The following PAM variants were observed in gnomAD, a reference collection of about 807,000 sequenced individuals.
PAM encodes the protein peptidylglycine alpha-amidating monooxygenase.
A neutral mutation model predicts 122.1 loss-of-function variants in PAM; 72 were observed. The ratio of observed to expected loss-of-function variants is 0.59; its 90% confidence interval spans 0.49 to 0.72. The LOEUF (loss-of-function observed/expected upper bound fraction) is 0.72, where lower values mean the gene tolerates loss of function less well. Among genes scored for constraint, PAM ranks in the 30% least tolerant of loss-of-function variants. The pLI, the probability that PAM is intolerant of heterozygous loss-of-function variation, is 0.00. For synonymous variants in PAM, 389 were observed against 404.4 expected (o/e 0.96, Z 0.46); for missense variants, 1,106 against 1,183.7 (o/e 0.93, Z 0.96).
intron 21 of PAM, among the ~76,000 whole-genome samples, chr5:103,012,592 C>T (rs926930999): frequency 4.6e-5 from 7 of 152,096 alleles, no homozygotes; most frequent in African/African-American, 7.2e-5. Flanking sequence ...CGGTGGCTCA[C>T]GCCTGTAATC....
intron 1 of PAM, among the ~76,000 whole-genome samples, chr5:102,758,769 A>C (rs911540721): frequency 6.6e-6 from 1 of 152,238 alleles, no homozygotes; most frequent in Admixed American, 6.5e-5. Flanking sequence ...GGTTCTTAGC[A>C]CATTGCCAGT....
intron 16 of PAM, among the ~76,000 whole-genome samples, chr5:102,996,886 A>G (rs1775858137): frequency 6.6e-6 from 1 of 152,162 alleles, no homozygotes; most frequent in Non-Finnish European, 1.5e-5. Context: ...CTGTATATAT[A>G]AGTAGAGTGT....
intron 1 of PAM, among the ~76,000 whole-genome samples, chr5:102,862,085 G>C (rs1784337674): frequency 6.6e-6 from 1 of 151,340 alleles, no homozygotes; most frequent in Non-Finnish European, 1.5e-5. Context: ...CAGGAGGACT[G>C]CTTGAGTCTG....
chr5:102,867,680 G>C (rs1276080864), intron 3 of PAM, among the ~76,000 whole-genome samples: 2 of 152,176 alleles, frequency 1.3e-5, no homozygotes, highest in Admixed American at 1.3e-4. Context: ...AATAGCCTCT[G>C]TAATGCAGCA....
At chr5:102,792,157 G>A (rs1399281360) in intron 1 of PAM, among the ~76,000 whole-genome samples, 2 of 152,050 alleles carry the variant, frequency 1.3e-5, no homozygotes, top group African/African-American at 2.4e-5. Context: ...AACATGGTAT[G>A]TATGGAATTT....
Position 102,903,340 on chromosome 5 carries a change from A to G in PAM, c.268+1927A>G, listed in dbSNP as rs530361147. On this transcript the variant is annotated intron_variant, in intron 4 of 25. Transcript: ENST00000438793. ...GTTTACATAATTCAGCAACCAAAGA[A>G]GTTTAAGTATAGACAAATTAGAACT... Among the ~76,000 whole-genome samples the G allele has an allele frequency of 5.9e-5, 9 of 151,738 alleles. No individual in the cohort carries two copies. In the East Asian group the frequency reaches 1.8e-3, roughly 30 times the overall value.
rs200890055 is a variant in PAM at position 102,950,822 on chromosome 5, T to C, written c.905+2T>C. 1.3e-6 allele frequency: 2 copies of C among 1,516,798 alleles called. No homozygotes were observed. The highest frequency in any genetic ancestry group is 1.8e-6 in the Non-Finnish European group (2 of 1,091,684). 94.0% of individuals were successfully genotyped at this position (1,516,798 alleles called of 1,614,324 possible). On this transcript the variant is annotated splice_donor_variant, in intron 12 of 25. Transcript: ENST00000438793. LOFTEE classifies it high-confidence loss of function. ...AAGGACAGAAGCCACACACATTGGG[T>C]ATGATTCTATACATTCCACTATTTA...
intron 1 of PAM, among the ~76,000 whole-genome samples, chr5:102,859,335 A>AGTGTGTGTGT (rs57728525): frequency 1.2e-4 from 17 of 142,314 alleles, no homozygotes; most frequent in African/African-American, 3.8e-4. Flanking sequence ...GGCCCAGGCT[A>AGTGTGTGTGT]GTGTGTGTGT....
intron 3 of PAM, among the ~76,000 whole-genome samples, chr5:102,870,376 C>T (rs184258482): frequency 5.9e-5 from 9 of 152,022 alleles, no homozygotes; most frequent in African/African-American, 2.2e-4. Context: ...TGGAAAGAAC[C>T]TTAGACATAA....
intron 1 of PAM, among the ~76,000 whole-genome samples, chr5:102,835,648 A>C (rs1776814960): frequency 1.3e-5 from 2 of 152,086 alleles, no homozygotes; most frequent in African/African-American, 4.8e-5. Flanking sequence ...TGCCTTATAC[A>C]TGTCAAAATA....
At chr5:102,900,259 G>GTGTC (rs1418931317) in intron 3 of PAM, among the ~76,000 whole-genome samples, 2 of 124,654 alleles carry the variant, frequency 1.6e-5, no homozygotes, top group Admixed American at 8.5e-5. Flanking sequence ...GTGTGTGGGG[G>GTGTC]GGGGGCGGGG....
At chr5:103,014,509 T>A (rs1166214359) in intron 21 of PAM, among the ~76,000 whole-genome samples, 3 of 152,202 alleles carry the variant, frequency 2.0e-5, no homozygotes, top group Non-Finnish European at 4.4e-5. Context: ...AGAATTTTCA[T>A]TAAATAGATT....
intron 1 of PAM, among the ~76,000 whole-genome samples, chr5:102,824,028 A>G (rs1324642423): frequency 6.6e-6 from 1 of 152,208 alleles, no homozygotes; most frequent in African/African-American, 2.4e-5. Flanking sequence ...AAAGAGCACC[A>G]GAAATGGAAA....
At chr5:102,929,622 C>G (rs571191485) in intron 7 of PAM, among the ~76,000 whole-genome samples, 3 of 152,046 alleles carry the variant, frequency 2.0e-5, no homozygotes, top group Non-Finnish European at 4.4e-5. Flanking sequence ...TTTTTCCACA[C>G]AGGGAATGTT....
At chr5:102,930,730 A>C (rs1751207757) in intron 7 of PAM, among the ~76,000 whole-genome samples, 1 of 152,148 alleles carries the variant, frequency 6.6e-6, no homozygotes. Context: ...GTACATGGAA[A>C]AGCTACTAGC....
chr5:102,918,812 T>C (rs1410597276), intron 5 of PAM, among the ~76,000 whole-genome samples: 1 of 152,124 alleles, frequency 6.6e-6, no homozygotes, highest in Non-Finnish European at 1.5e-5. Flanking sequence ...TTTAAAGCAA[T>C]TTAGGATTGC....
At chr5:102,963,567 A>C (rs1763147581) in intron 14 of PAM, among the ~76,000 whole-genome samples, 1 of 151,988 alleles carries the variant, frequency 6.6e-6, no homozygotes, top group Non-Finnish European at 1.5e-5. Context: ...TTTAGCCCCA[A>C]TAAGCAAAAG....
intron 14 of PAM, among the ~76,000 whole-genome samples, chr5:102,964,682 G>A (rs1432220491): frequency 6.6e-6 from 1 of 151,578 alleles, no homozygotes; most frequent in East Asian, 1.9e-4. Flanking sequence ...AGAAACATGA[G>A]TACATATATG....
intron 5 of PAM, among the ~76,000 whole-genome samples, chr5:102,916,434 T>C (rs1417949830): frequency 2.0e-5 from 3 of 151,910 alleles, no homozygotes; most frequent in African/African-American, 7.2e-5. Context: ...CCCCACTTAA[T>C]TTGTAGACTT....
Sources: gnomAD v4.1 joint callset for allele counts (sites outside exome capture counted in the v4.1 genomes callset) on GRCh38, gnomAD v4.1.1 for gene constraint, MANE v1.5 for transcripts, NCBI Gene and HGNC (gene_info 2026-07-23, HGNC 2026-07-21) for gene names.